The following DLGAP2 variants were observed in gnomAD, a reference collection of about 807,000 sequenced individuals.
The protein encoded by DLGAP2 is disks large-associated protein 2.
DLGAP2 carries 26 observed loss-of-function variants against 100.3 expected under a neutral mutation model. The observed-to-expected ratio is 0.26, with a 90% confidence interval of 0.19 to 0.36. The LOEUF is 0.36. Ranked by LOEUF, DLGAP2 falls within the 10% of genes least tolerant of loss-of-function variation. The probability of loss-of-function intolerance (pLI) is 1.00; values close to 1 mark genes in which losing one functional copy is unlikely to be tolerated. For missense variants in DLGAP2, 1,858 were observed against 1,453.2 expected, an observed-to-expected ratio of 1.28 and a Z score of -4.53; for synonymous variants, 886 against 630.1, an observed-to-expected ratio of 1.41 and a Z score of -6.08.
At chr8:862,722 C>T (rs1459809577) in intron 1 of DLGAP2, among the ~76,000 whole-genome samples, 1 of 152,112 alleles carries the variant, frequency 6.6e-6, no homozygotes, top group African/African-American at 2.4e-5. Context: ...TACTTGGAAC[C>T]TCAGGTGTTT....
intron 2 of DLGAP2, among the ~76,000 whole-genome samples, chr8:1,248,279 G>A (rs1336807480): frequency 3.5e-5 from 3 of 86,246 alleles, no homozygotes; most frequent in South Asian, 1.0e-3. Flanking sequence ...GTCGGTGGCC[G>A]GGAAGACCTT....
At chr8:1,356,826 C>T (rs538204722) in intron 3 of DLGAP2, among the ~76,000 whole-genome samples, 14 of 152,118 alleles carry the variant, frequency 9.2e-5, no homozygotes, top group Non-Finnish European at 1.6e-4. Context: ...CCGTTTGCCA[C>T]GATGTAACAC....
intron 2 of DLGAP2, among the ~76,000 whole-genome samples, chr8:1,039,210 GCGTGGTCAGCTCGGTTTC>G (rs1481788004): frequency 2.3e-5 from 3 of 129,488 alleles, no homozygotes; most frequent in East Asian, 2.6e-4. Flanking sequence ...AGCTCGGTGT[GCGTGGTCAGCTCGGTTTC>G]CGTGGTCAGC....
intron 6 of DLGAP2, among the ~76,000 whole-genome samples, chr8:1,566,360 T>C (rs1053727620): frequency 2.6e-5 from 4 of 152,232 alleles, no homozygotes; most frequent in African/African-American, 9.6e-5. Flanking sequence ...TTTATAAATA[T>C]AATACCCTAC....
At chr8:1,663,062 G>A (rs1486448452) in intron 8 of DLGAP2, among the ~76,000 whole-genome samples, 1 of 142,026 alleles carries the variant, frequency 7.0e-6, no homozygotes, top group Non-Finnish European at 1.5e-5. Flanking sequence ...TACACATAGT[G>A]TGGGGTGTGT....
At chr8:877,496 G>A (rs540443672) in intron 1 of DLGAP2, among the ~76,000 whole-genome samples, 1 of 152,368 alleles carries the variant, frequency 6.6e-6, no homozygotes, top group Admixed American at 6.5e-5. Flanking sequence ...GACCCAGGCA[G>A]CTATTAAACG....
At chr8:1,011,469 G>A (rs1204734028) in intron 2 of DLGAP2, among the ~76,000 whole-genome samples, 1 of 150,226 alleles carries the variant, frequency 6.7e-6, no homozygotes, top group Non-Finnish European at 1.5e-5. Flanking sequence ...GGAATGGGGG[G>A]TCTCAGTCTG....
intron 1 of DLGAP2, among the ~76,000 whole-genome samples, chr8:826,298 T>C (rs1554428475): frequency 6.6e-6 from 1 of 152,256 alleles, no homozygotes; most frequent in Non-Finnish European, 1.5e-5. Context: ...GGCATGCAGA[T>C]ACCTCTTTGA....
intron 2 of DLGAP2, among the ~76,000 whole-genome samples, chr8:942,555 C>G (rs1425900419): frequency 6.6e-6 from 1 of 152,232 alleles, no homozygotes; most frequent in East Asian, 1.9e-4. Flanking sequence ...TGACTTTTAC[C>G]TTTCACGGCA....
intron 3 of DLGAP2, among the ~76,000 whole-genome samples, chr8:1,390,003 C>G (rs970547387): frequency 2.6e-5 from 4 of 152,122 alleles, no homozygotes; most frequent in Non-Finnish European, 4.4e-5. Flanking sequence ...TCTGCACCCA[C>G]GGAGTGTGTC....
chr8:1,519,217 G>T (rs6996640), intron 4 of DLGAP2, among the ~76,000 whole-genome samples: 2,126 of 152,250 alleles, frequency 0.014, 51 homozygotes, highest in African/African-American at 0.049. Flanking sequence ...CCTGGAAAGT[G>T]AAGAACACCA....
At chr8:1,545,727 GAA>G (rs1361614929) in intron 4 of DLGAP2, among the ~76,000 whole-genome samples, 10 of 152,210 alleles carry the variant, frequency 6.6e-5, no homozygotes, top group African/African-American at 2.4e-4. Context: ...CATCCATCAG[GAA>G]ATCCAGTCCT....
chr8:1,449,686 G>A (rs1474855263), intron 3 of DLGAP2, among the ~76,000 whole-genome samples: 3 of 152,240 alleles, frequency 2.0e-5, no homozygotes, highest in Non-Finnish European at 4.4e-5. Flanking sequence ...GAAGGTGGGA[G>A]CAGGGGGTGT....
At chr8:1,621,217 G>A (rs1280024993) in intron 6 of DLGAP2, 1 of 152,312 alleles carries the variant, frequency 6.6e-6, no homozygotes, top group Non-Finnish European at 1.5e-5. Context: ...AACCTGCCCA[G>A]TCCTGGTTAT....
At chr8:791,561 A>G (rs897229369) in intron 1 of DLGAP2, among the ~76,000 whole-genome samples, 3 of 152,236 alleles carry the variant, frequency 2.0e-5, no homozygotes, top group East Asian at 3.8e-4. Context: ...TAATATGACT[A>G]TACATTTAAA....
Position 1,223,224 on chromosome 8 carries a change from C to T in DLGAP2, c.74-35627C>T, listed in dbSNP as rs1039014620. Reference sequence around the variant, plus strand: ...CCAGCAACCCTGTCCAGGGTTCCCACCTTCCTCCCCTTTCAGCCAGGGATC... The same window carrying T: ...CCAGCAACCCTGTCCAGGGTTCCCATCTTCCTCCCCTTTCAGCCAGGGATC... On this transcript the variant is annotated intron_variant, in intron 2 of 14. Coordinates refer to ENST00000637795, the MANE Select transcript of DLGAP2 (RefSeq NM_001346810.2). Among the ~76,000 whole-genome samples, 3 of 152,210 alleles carry T rather than the reference C, an allele frequency of 2.0e-5. No homozygotes were observed. The East Asian group carries it at 5.8e-4, about 29-fold the overall frequency.
intron 1 of DLGAP2, among the ~76,000 whole-genome samples, chr8:803,525 A>G (rs572446952): frequency 6.6e-6 from 1 of 152,082 alleles, no homozygotes; most frequent in Non-Finnish European, 1.5e-5. Context: ...GATGGCTCCC[A>G]GTAGGAGCTG....
intron 9 of DLGAP2, among the ~76,000 whole-genome samples, chr8:1,669,441 G>A (rs889169699): frequency 3.9e-5 from 6 of 152,238 alleles, no homozygotes; most frequent in Admixed American, 2.0e-4. Flanking sequence ...GTCAGGTAGC[G>A]CATCCCTCCG....
intron 5 of DLGAP2, 45 bp downstream of exon 5, chr8:1,549,728 G>A: frequency 6.7e-7 from 1 of 1,483,142 alleles, no homozygotes; most frequent in East Asian, 2.5e-5. Flanking sequence ...GGCACAGCAG[G>A]TGGTATTGTC....
Sources: gnomAD v4.1 joint callset for allele counts (sites outside exome capture counted in the v4.1 genomes callset) on GRCh38, gnomAD v4.1.1 for gene constraint, MANE v1.5 for transcripts, NCBI Gene and HGNC (gene_info 2026-07-23, HGNC 2026-07-21) for gene names.